The following SEMA5B variants were observed in gnomAD, a reference collection of about 807,000 sequenced individuals.
The protein encoded by SEMA5B is semaphorin-5B.
A neutral mutation model predicts 135.0 loss-of-function variants in SEMA5B; 66 were observed. That is an observed-to-expected ratio of 0.49 (90% CI 0.40 to 0.60). The LOEUF (loss-of-function observed/expected upper bound fraction) is 0.60, where lower values mean the gene tolerates loss of function less well. Among genes scored for constraint, SEMA5B ranks in the 20% least tolerant of loss-of-function variants. The pLI is 0.00. For synonymous variants in SEMA5B, 690 were observed against 639.5 expected (o/e 1.08, Z -1.19); for missense variants, 1,501 against 1,566.3 (o/e 0.96, Z 0.70).
At chr3:122,922,904 A>G (rs971411434) in intron 10 of SEMA5B, among the ~76,000 whole-genome samples, 1 of 151,768 alleles carries the variant, frequency 6.6e-6, no homozygotes, top group African/African-American at 2.4e-5. Context: ...CATTCCAGGC[A>G]TATGAACCTT....
In SEMA5B at chr3:122,991,761, C is replaced by T. The variant is rs1576395867; in HGVS notation, c.-38-30460G>A. On this transcript the variant is annotated intron_variant, in intron 1 of 22. Coordinates refer to ENST00000357599, the MANE Select transcript of SEMA5B (RefSeq NM_001031702.4). Reference sequence around the variant, plus strand: ...GGGTGGGGGTGCACCAGAGTTGTGCCACACACAACCCTCTGGAAAGTTGGA... The same window carrying T: ...GGGTGGGGGTGCACCAGAGTTGTGCTACACACAACCCTCTGGAAAGTTGGA... Among the ~76,000 whole-genome samples, 5 of 152,248 alleles carry T rather than the reference C, an allele frequency of 3.3e-5. No individual in the cohort carries two copies. In the Middle Eastern group the frequency reaches 0.017, roughly 518 times the overall value.
chr3:122,949,370 A>G (rs1230447325), intron 2 of SEMA5B, among the ~76,000 whole-genome samples: 3 of 152,262 alleles, frequency 2.0e-5, no homozygotes, highest in African/African-American at 7.2e-5. Context: ...TATTCCTAAT[A>G]TATAAAGAAC....
intron 1 of SEMA5B, among the ~76,000 whole-genome samples, chr3:123,022,782 T>C (rs1383337142): frequency 6.6e-6 from 1 of 152,234 alleles, no homozygotes. Flanking sequence ...TCATCTCTCA[T>C]GCTCACTAAA....
At chr3:122,949,320 G>C (rs1308009878) in intron 2 of SEMA5B, among the ~76,000 whole-genome samples, 1 of 152,088 alleles carries the variant, frequency 6.6e-6, no homozygotes, top group Admixed American at 6.6e-5. Flanking sequence ...TGACAAACTA[G>C]AAAAAATATT....
At chr3:123,022,399 A>C (rs1250709832) in intron 1 of SEMA5B, among the ~76,000 whole-genome samples, 1 of 152,256 alleles carries the variant, frequency 6.6e-6, no homozygotes, top group East Asian at 1.9e-4. Flanking sequence ...AAGTCTGATT[A>C]AGTCATCCTT....
intron 1 of SEMA5B, among the ~76,000 whole-genome samples, chr3:122,980,269 T>C (rs1419307841): frequency 6.6e-6 from 1 of 151,996 alleles, no homozygotes; most frequent in African/African-American, 2.4e-5. Context: ...GCGACCAGCC[T>C]GATCAACATG....
Position 122,910,227 on chromosome 3 carries a change from C to T in SEMA5B, c.3372G>A (p.Thr1124=), listed in dbSNP as rs376746478. Reference sequence around the variant, plus strand: ...TCAGGGGGCTTGGGTAGTAAGTAGTCGTGTACACATTGGTCTGCTGCAATG... The same window carrying T: ...TCAGGGGGCTTGGGTAGTAAGTAGTTGTGTACACATTGGTCTGCTGCAATG... ...FYPLQQTNVY[T]TTYYPSPLNK... Residue 1124 remains threonine, a synonymous_variant, in exon 23 of 23, where the codon ACG becomes ACA. Transcript: ENST00000357599. 6 of 1,614,052 alleles carry T rather than the reference C, an allele frequency of 3.7e-6. No homozygotes were observed. The highest frequency in any genetic ancestry group is 1.1e-5 in the South Asian group (1 of 91,076).
chr3:122,970,107 T>G (rs925241459), intron 1 of SEMA5B, among the ~76,000 whole-genome samples: 1 of 152,082 alleles, frequency 6.6e-6, no homozygotes, highest in African/African-American at 2.4e-5. Context: ...GAGCCCGGGC[T>G]GCAAATATGG....
chr3:122,960,970 A>T (rs1007117163), intron 2 of SEMA5B, among the ~76,000 whole-genome samples, 170 bp downstream of exon 2: 2 of 152,206 alleles, frequency 1.3e-5, no homozygotes, highest in African/African-American at 4.8e-5. Flanking sequence ...GGCCAATTTC[A>T]TGTTATATAT....
intron 1 of SEMA5B, among the ~76,000 whole-genome samples, chr3:123,008,164 A>C (rs1376944688): frequency 6.6e-6 from 1 of 152,236 alleles, no homozygotes; most frequent in African/African-American, 2.4e-5. Context: ...TTTTGGAGTT[A>C]TCTTTTCTAC....
chr3:122,997,253 G>A (rs1012081426), intron 1 of SEMA5B, among the ~76,000 whole-genome samples: 3 of 152,074 alleles, frequency 2.0e-5, no homozygotes, highest in Admixed American at 6.5e-5. Flanking sequence ...GCAGAGACTC[G>A]AACACCTGTG....
chr3:122,977,548 G>T (rs1487509454), intron 1 of SEMA5B, among the ~76,000 whole-genome samples: 1 of 152,150 alleles, frequency 6.6e-6, no homozygotes, highest in Non-Finnish European at 1.5e-5. Context: ...GAAGAGTCAG[G>T]GCTGGCAACA....
intron 1 of SEMA5B, among the ~76,000 whole-genome samples, chr3:123,022,138 T>G (rs1050391193): frequency 1.3e-5 from 2 of 152,170 alleles, no homozygotes; most frequent in African/African-American, 4.8e-5. Flanking sequence ...CTTTCACAGA[T>G]GAAGAACCCA....
intron 5 of SEMA5B, among the ~76,000 whole-genome samples, chr3:122,936,598 G>C (rs773842923): frequency 3.3e-5 from 5 of 152,226 alleles, no homozygotes; most frequent in Non-Finnish European, 5.9e-5. Context: ...GTCGTCCCAT[G>C]GAACTGTTCT....
chr3:122,982,132 G>A (rs1941539264), intron 1 of SEMA5B, among the ~76,000 whole-genome samples: 1 of 152,210 alleles, frequency 6.6e-6, no homozygotes, highest in Non-Finnish European at 1.5e-5. Context: ...GGAGGGTCGA[G>A]TCTCTTGACT....
At chr3:122,911,260 A>G in intron 21 of SEMA5B, 3 of 1,287,952 alleles carry the variant, frequency 2.3e-6, no homozygotes, top group Non-Finnish European at 2.1e-6. Flanking sequence ...GGTGGCAACC[A>G]GAGGGTCTAG....
rs1458963454 is a variant in SEMA5B at position 123,027,602 on chromosome 3, G to A, written c.-177C>T. ...GCGCAGGAACGGCCTCCAGCTCTCA[G>A]CGCTCCGGTGCAGTCCCCACCCGGG... On this transcript the variant is annotated 5_prime_UTR_variant, in exon 1 of 23. Coordinates refer to ENST00000357599, the MANE Select transcript of SEMA5B (RefSeq NM_001031702.4). The A allele has an allele frequency of 6.6e-6, 1 of 152,192 alleles. No homozygotes were observed. The highest frequency in any genetic ancestry group is 1.9e-4 in the East Asian group (1 of 5,158). The allele number at this position is 152,192 out of a possible 1,614,324, so 9.4% of individuals were successfully genotyped here.
chr3:122,920,584 C>A (rs909402762), intron 12 of SEMA5B, among the ~76,000 whole-genome samples: 9 of 152,174 alleles, frequency 5.9e-5, no homozygotes, highest in Admixed American at 3.3e-4. Flanking sequence ...ATACTAGTCC[C>A]AATCCTTACA....
chr3:123,013,405 C>T (rs1942482397), intron 1 of SEMA5B, among the ~76,000 whole-genome samples: 1 of 152,210 alleles, frequency 6.6e-6, no homozygotes, highest in Admixed American at 6.5e-5. Context: ...CACTTGGTAC[C>T]TTGAGGTCCC....
Sources: gnomAD v4.1 joint callset for allele counts (sites outside exome capture counted in the v4.1 genomes callset) on GRCh38, gnomAD v4.1.1 for gene constraint, MANE v1.5 for transcripts, NCBI Gene and HGNC (gene_info 2026-07-23, HGNC 2026-07-21) for gene names.